Variants in PLPP1 observed in about 807,000 individuals in gnomAD.
PLPP1 encodes the protein phospholipid phosphatase 1, also known as lipid phosphate phosphohydrolase 1a.
PLPP1 carries 24 observed loss-of-function variants against 31.2 expected under a neutral mutation model. The observed-to-expected ratio is 0.77, with a 90% confidence interval of 0.56 to 1.08. The LOEUF (loss-of-function observed/expected upper bound fraction) is 1.08. Among genes scored for constraint, PLPP1 ranks in the 50% least tolerant of loss-of-function variants. The pLI is 0.00. For synonymous variants in PLPP1, 146 were observed against 126.3 expected (o/e 1.16, Z -1.05); for missense variants, 319 against 342.7 (o/e 0.93, Z 0.55).
intron 3 of PLPP1, 77 bp from the exon 4 acceptor site, chr5:55,441,985 T>C (rs1274488568): frequency 1.4e-6 from 2 of 1,424,210 alleles, no homozygotes; most frequent in Non-Finnish European, 2.0e-6. Flanking sequence ...AATCTGCTCC[T>C]TAGTTTCAGA....
At chr5:55,479,023 ATTTTTT>A (rs11352656) in intron 1 of PLPP1, among the ~76,000 whole-genome samples, 1 of 133,118 alleles carries the variant, frequency 7.5e-6, no homozygotes. Context: ...AGCCTATGAG[ATTTTTT>A]TTTTTTTTTT....
intron 1 of PLPP1, among the ~76,000 whole-genome samples, chr5:55,504,380 G>A (rs1275393139): frequency 6.9e-6 from 1 of 145,358 alleles, no homozygotes; most frequent in Non-Finnish European, 1.5e-5. Flanking sequence ...AAAAAAGCCA[G>A]GGATGGTGGT....
chr5:55,513,277 T>TTTTTTTTTTTTG (rs1554041706), intron 1 of PLPP1, among the ~76,000 whole-genome samples: 4 of 149,202 alleles, frequency 2.7e-5, no homozygotes, highest in African/African-American at 4.9e-5. Context: ...CCTTTTTTTT[T>TTTTTTTTTTTTG]AAGACAGAGT....
chr5:55,458,915 A>AAAAAAAAAAAC (rs1561231077), intron 3 of PLPP1, among the ~76,000 whole-genome samples: 23 of 149,064 alleles, frequency 1.5e-4, no homozygotes, highest in African/African-American at 5.2e-4. Context: ...AAAAAAAAAA[A>AAAAAAAAAAAC]ACACATAGCA....
rs187952244 is a variant in PLPP1, at chr5:55,442,382, A to G, written c.492-474T>C. ...ATATTTTAGTATTTTGGCCCAGCGCAGTGGCTCAGTCCTGTAATCCCAGCA... is the reference window on the plus strand; with the variant it reads ...ATATTTTAGTATTTTGGCCCAGCGCGGTGGCTCAGTCCTGTAATCCCAGCA... On this transcript the variant is annotated intron_variant, in intron 3 of 5. Transcript: ENST00000307259. 3.7e-3 allele frequency among the ~76,000 whole-genome samples: 569 copies of G among 152,210 alleles called. 2 individuals carry two copies. The highest frequency in any genetic ancestry group is 0.013 in the African/African-American group (556 of 41,544).
At chr5:55,470,381 T>C (rs372409889) in intron 2 of PLPP1, among the ~76,000 whole-genome samples, 1 of 152,216 alleles carries the variant, frequency 6.6e-6, no homozygotes, top group Non-Finnish European at 1.5e-5. Flanking sequence ...CAGAAACAGG[T>C]AGTATGTTTT....
chr5:55,476,721 T>C (rs1250627053), intron 1 of PLPP1, among the ~76,000 whole-genome samples: 1 of 152,188 alleles, frequency 6.6e-6, no homozygotes, highest in Non-Finnish European at 1.5e-5. Context: ...TTGATGACCA[T>C]TTGCAGTTCT....
intron 3 of PLPP1, among the ~76,000 whole-genome samples, chr5:55,463,202 G>A (rs184651855): frequency 6.6e-6 from 1 of 152,090 alleles, no homozygotes. Flanking sequence ...GGGGTAAGGC[G>A]TGGGGAGAGC....
chr5:55,493,953 A>G (rs1055881741), intron 1 of PLPP1, among the ~76,000 whole-genome samples: 6 of 152,042 alleles, frequency 3.9e-5, no homozygotes, highest in Admixed American at 2.6e-4. Context: ...GCTCAGGCAG[A>G]AGGATCACTT....
At chr5:55,436,861 T>G (rs1751503960) in intron 4 of PLPP1, among the ~76,000 whole-genome samples, 1 of 152,196 alleles carries the variant, frequency 6.6e-6, no homozygotes, top group African/African-American at 2.4e-5. Context: ...AAAATTTGTA[T>G]ACTGAATGCC....
rs948244032 is a variant in PLPP1, at chr5:55,425,770, C to A, written c.726+93G>T. On this transcript the variant is annotated intron_variant, in intron 5 of 5. Coordinates refer to ENST00000307259, the MANE Select transcript of PLPP1 (RefSeq NM_003711.4). ...ATTCTTGCCCACTGCATAGTCTTCT[C>A]CTCAGCTGGGGATTTTTTGGATTTT... 5 of 1,224,094 alleles carry A rather than the reference C, an allele frequency of 4.1e-6. No homozygotes were observed. In the African/African-American group the frequency reaches 7.9e-5, roughly 19 times the overall value. The allele number at this position is 1,224,094 out of a possible 1,614,324, so 75.8% of individuals were successfully genotyped here.
chr5:55,521,542 A>G lies in PLPP1; in HGVS notation c.58+13030T>C, dbSNP rs1188371619. Among the ~76,000 whole-genome samples, 5 of 152,006 alleles carry G rather than the reference A, an allele frequency of 3.3e-5. No individual in the cohort carries two copies. In the South Asian group the frequency reaches 1.0e-3, roughly 32 times the overall value. On this transcript the variant is annotated intron_variant, in intron 1 of 5. Coordinates refer to ENST00000307259, the MANE Select transcript of PLPP1 (RefSeq NM_003711.4). The stretch of plus-strand genomic sequence containing the variant: ...AAAAAAAAACAAAAAACAAAAAACA[A>G]AAAACTTGATTAAAATACCTGCCTA...
intron 3 of PLPP1, among the ~76,000 whole-genome samples, chr5:55,453,153 C>A (rs1461449040): frequency 1.3e-5 from 2 of 152,130 alleles, no homozygotes; most frequent in Non-Finnish European, 1.5e-5. Flanking sequence ...TCTCTCCCAC[C>A]CACATGCATC....
chr5:55,486,652 C>T (rs1274458522), intron 1 of PLPP1, among the ~76,000 whole-genome samples: 1 of 152,092 alleles, frequency 6.6e-6, no homozygotes, highest in Non-Finnish European at 1.5e-5. Context: ...CCGTGGCTCA[C>T]GCCTGTAATC....
intron 1 of PLPP1, among the ~76,000 whole-genome samples, chr5:55,519,512 G>A (rs1753619086): frequency 6.6e-6 from 1 of 152,124 alleles, no homozygotes; most frequent in South Asian, 2.1e-4. Flanking sequence ...ACTTTGGGAG[G>A]CCAAGGTGGG....
intron 1 of PLPP1, among the ~76,000 whole-genome samples, chr5:55,526,931 C>CA (rs34267008): frequency 0.58 from 43,722 of 74,994 alleles, 13,304 homozygotes; most frequent in Non-Finnish European, 0.63. Context: ...GATTCCATCT[C>CA]AAAAAAAAAA....
At chr5:55,461,482 T>C (rs1752152900) in intron 3 of PLPP1, among the ~76,000 whole-genome samples, 1 of 151,774 alleles carries the variant, frequency 6.6e-6, no homozygotes. Flanking sequence ...TAACATAATA[T>C]ACTATATTAG....
chr5:55,465,952 T>C (rs146527921), intron 3 of PLPP1, among the ~76,000 whole-genome samples: 108 of 152,306 alleles, frequency 7.1e-4, no homozygotes, highest in Middle Eastern at 3.4e-3. Context: ...GGGAATGAGA[T>C]CTACACAGCC....
chr5:55,436,884 G>A (rs1350702943), intron 4 of PLPP1, among the ~76,000 whole-genome samples: 1 of 152,130 alleles, frequency 6.6e-6, no homozygotes, highest in Non-Finnish European at 1.5e-5. Context: ...ACCCCCACAA[G>A]GCAATGGGAT....
Sources: gnomAD v4.1 joint callset for allele counts (sites outside exome capture counted in the v4.1 genomes callset) on GRCh38, gnomAD v4.1.1 for gene constraint, MANE v1.5 for transcripts, NCBI Gene and HGNC (gene_info 2026-07-23, HGNC 2026-07-21) for gene names.